ZNF730: variants seen among roughly 807,000 people sequenced by gnomAD.
ZNF730 encodes zinc finger protein 730.
ZNF730 carries 12 observed loss-of-function variants against 12.6 expected under a neutral mutation model. The observed-to-expected ratio is 0.95, with a 90% CI of 0.61 to 1.54. The LOEUF is 1.54. Ranked by LOEUF, ZNF730 falls within the 40% of genes most tolerant of loss-of-function variation. ZNF730 has a pLI of 0.00. For synonymous variants in ZNF730, 194 were observed against 195.8 expected (o/e 0.99, Z 0.08); for missense variants, 643 against 583.5 (o/e 1.10, Z -1.05).
chr19:23,081,176 A>C, intron 1 of ZNF730, among the ~76,000 whole-genome samples: 1 of 145,084 alleles, frequency 6.9e-6, no homozygotes. Context: ...TGAGGGTCTC[A>C]CTTTGTTGCA....
chr19:23,125,681 T>C (rs956876540), intron 1 of ZNF730: 2 of 152,416 alleles, frequency 1.3e-5, no homozygotes, highest in Admixed American at 6.5e-5. Flanking sequence ...TTTGTTAAAG[T>C]TGTTAAAAAT....
intron 2 of ZNF730, among the ~76,000 whole-genome samples, chr19:23,134,598 G>A (rs1433003538): frequency 1.1e-4 from 1 of 9,512 alleles, no homozygotes; most frequent in Non-Finnish European, 3.3e-4. Flanking sequence ...CTGGAGGGTG[G>A]GGGGGGGGGT....
intron 1 of ZNF730, chr19:23,127,964 T>C: frequency 2.8e-6 from 2 of 726,568 alleles, no homozygotes; most frequent in Non-Finnish European, 5.0e-6. Context: ...ACTGGCCTGC[T>C]GCTGGCCTGC....
chr19:23,122,438 G>A (rs1443768581), intron 1 of ZNF730, among the ~76,000 whole-genome samples: 2 of 151,918 alleles, frequency 1.3e-5, no homozygotes, highest in South Asian at 4.2e-4. Flanking sequence ...CCACCACATC[G>A]GGCCGTTTAA....
intron 1 of ZNF730, among the ~76,000 whole-genome samples, chr19:23,093,414 G>C (rs1164964842): frequency 6.6e-6 from 1 of 152,230 alleles, no homozygotes. Flanking sequence ...GCCCGGAAGG[G>C]GTTTGCCTGT....
In ZNF730 at chr19:23,146,161, T is replaced by A. The variant is rs200465702; in HGVS notation, c.1117T>A (p.Cys373Ser). The stretch of plus-strand genomic sequence containing the variant: ...AGGGAAACCCTACAAATATAAAGAA[T>A]GTGGTAAAGCTTTTAACCAATCCTC... The part of the protein sequence containing the change: ...TGGKPYKYKE[C>S]GKAFNQSSTL... The change falls in exon 4 of 4, where the codon TGT becomes AGT. Residue 373 changes from cysteine to serine, a missense_variant. Physicochemically the swap from Cys to Ser is moderately radical, Grantham distance 112. Coordinates refer to ENST00000597761, the MANE Select transcript of ZNF730 (RefSeq NM_001277403.2). The A allele has an allele frequency of 7.5e-6, 12 of 1,608,246 alleles. No individual in the cohort carries two copies. The South Asian group carries it at 1.1e-4, about 15-fold the overall frequency.
intron 1 of ZNF730, among the ~76,000 whole-genome samples, chr19:23,087,424 AAAAG>A (rs1440814867): frequency 7.2e-5 from 11 of 152,052 alleles, no homozygotes; most frequent in Non-Finnish European, 1.3e-4. Context: ...AAAAAAGAAA[AAAAG>A]AAATGCTAGT....
At chr19:23,127,952 G>A in intron 1 of ZNF730, 1 of 717,720 alleles carries the variant, frequency 1.4e-6, no homozygotes, top group Non-Finnish European at 2.5e-6. Context: ...GCAATGTATT[G>A]TACTGGCCTG....
chr19:23,095,762 A>G (rs1970239024), intron 1 of ZNF730: 2 of 276,400 alleles, frequency 7.2e-6, no homozygotes, highest in East Asian at 6.1e-5. Context: ...TCTTACCTGG[A>G]TGTTGCCCAA....
At chr19:23,138,003 G>GGTACCAGAAAGGATTTCCCCAGGTCT (rs1599599799) in intron 3 of ZNF730, among the ~76,000 whole-genome samples, 3 of 74,756 alleles carry the variant, frequency 4.0e-5, no homozygotes, top group South Asian at 6.2e-4. Flanking sequence ...GGCTTTCACG[G>GGTACCAGAAAGGATTTCCCCAGGTCT]CCGGGCGCGG....
intron 1 of ZNF730, among the ~76,000 whole-genome samples, chr19:23,122,132 C>CTTTTTT (rs71163449): frequency 4.4e-5 from 1 of 22,778 alleles, no homozygotes; most frequent in African/African-American, 1.7e-4. Context: ...TTGTTTAAAG[C>CTTTTTT]TTTTTTTTTT....
At chr19:23,089,380 T>C (rs1970118447) in intron 1 of ZNF730, among the ~76,000 whole-genome samples, 1 of 152,142 alleles carries the variant, frequency 6.6e-6, no homozygotes, top group African/African-American at 2.4e-5. Flanking sequence ...AATTTTTGTA[T>C]TTTTAGTAGA....
upstream of ZNF730, among the ~76,000 whole-genome samples, chr19:23,115,432 G>A (rs139542881): frequency 1.5e-4 from 23 of 152,176 alleles, no homozygotes; most frequent in Non-Finnish European, 2.4e-4. Context: ...TTTTACAGCC[G>A]TTCCCATTGA....
chr19:23,081,034 C>T (rs1969957967), intron 1 of ZNF730, among the ~76,000 whole-genome samples: 1 of 151,338 alleles, frequency 6.6e-6, no homozygotes, highest in Admixed American at 6.6e-5. Context: ...TTCGTAGATA[C>T]AGTGTTTCGC....
intron 1 of ZNF730, among the ~76,000 whole-genome samples, chr19:23,103,052 A>G (rs986491315): frequency 4.6e-5 from 7 of 152,230 alleles, no homozygotes; most frequent in African/African-American, 1.4e-4. Context: ...ACACATGGAC[A>G]GGGTCCACTG....
At chr19:23,087,403 G>A (rs931549352) in intron 1 of ZNF730, among the ~76,000 whole-genome samples, 8 of 151,686 alleles carry the variant, frequency 5.3e-5, no homozygotes, top group Non-Finnish European at 1.0e-4. Context: ...GCAAGATTCC[G>A]TCTCAAAGAA....
Position 23,094,478 on chromosome 19 carries a change from C to CATTTATTTATTT in ZNF730, c.-94+19100_-94+19111dup, listed in dbSNP as rs149200028. The stretch of plus-strand genomic sequence containing the variant: ...GGTAGGTAGAAAATAAATAAGTTTT[C>CATTTATTTATTT]ATTTATTTATTTATTTATTTTGAGA... On this transcript the variant is annotated intron_variant, in intron 1 of 2. Coordinates refer to the ZNF730 transcript ENST00000593635. 4.6e-5 allele frequency among the ~76,000 whole-genome samples: 7 copies of CATTTATTTATTT among 151,024 alleles called. No homozygotes were observed. In the Admixed American group the frequency reaches 4.6e-4, roughly 10 times the overall value.
At chr19:23,106,866 T>C (rs570808852) in intron 1 of ZNF730, among the ~76,000 whole-genome samples, 4 of 151,936 alleles carry the variant, frequency 2.6e-5, no homozygotes, top group Non-Finnish European at 5.9e-5. Flanking sequence ...TTTGATTGAA[T>C]ACTGCAAGAG....
At chr19:23,131,258 CAAT>C (rs1190144586) in intron 1 of ZNF730, among the ~76,000 whole-genome samples, 1 of 151,962 alleles carries the variant, frequency 6.6e-6, no homozygotes. Flanking sequence ...TTTAAAAGGT[CAAT>C]GACAGAGAAA....
Sources: gnomAD v4.1 joint callset for allele counts (sites outside exome capture counted in the v4.1 genomes callset) on GRCh38, gnomAD v4.1.1 for gene constraint, MANE v1.5 for transcripts, NCBI Gene and HGNC (gene_info 2026-07-23, HGNC 2026-07-21) for gene names.